Variants in IL7R observed in about 807,000 individuals in gnomAD.
IL7R encodes the protein interleukin-7 receptor subunit alpha.
In IL7R, 38 loss-of-function variants were observed where a neutral mutation model predicts 47.0. The observed-to-expected ratio is 0.81, with a 90% CI of 0.62 to 1.06. IL7R has a LOEUF of 1.06. Among genes scored for constraint, IL7R ranks in the 50% least tolerant of loss-of-function variants. The pLI is 0.00. For missense variants in IL7R, 633 were observed against 534.8 expected, an observed-to-expected ratio of 1.18 and a Z score of -1.81; for synonymous variants, 221 against 199.8, an observed-to-expected ratio of 1.11 and a Z score of -0.89.
In IL7R at chr5:35,877,855, C is replaced by T. The variant is rs1196758100; in HGVS notation, c.*1369C>T. 1.7e-5 allele frequency: 4 copies of T among 233,196 alleles called. No homozygotes were observed. Among genetic ancestry groups the T allele is most frequent in the African/African-American group, 8.8e-5 (4 of 45,342 alleles). 14.4% of individuals were successfully genotyped at this position (233,196 alleles called of 1,614,324 possible). Reference sequence around the variant, plus strand: ...TGAGTAATGTCAGCTCAGCAAAGTGCAGCAAACCCATCTCCCACAGGCCTC... The same window carrying T: ...TGAGTAATGTCAGCTCAGCAAAGTGTAGCAAACCCATCTCCCACAGGCCTC... On this transcript the variant is annotated 3_prime_UTR_variant, in exon 8 of 8. Coordinates refer to ENST00000303115, the MANE Select transcript of IL7R (RefSeq NM_002185.5).
rs201146815 is a variant in IL7R, at chr5:35,876,221, G to A, written c.1115G>A (p.Gly372Glu). ...GRDSSLTCLAGNVSACDAPIL... is the reference protein window; with the variant it reads ...GRDSSLTCLAENVSACDAPIL... ...GATTCATCCCTCACATGCCTGGCTG[G>A]GAATGTCAGTGCATGTGACGCCCCT... The change falls in exon 8 of 8, where the codon GGG becomes GAG. Residue 372 changes from glycine to glutamate, a missense_variant. Transcript: ENST00000303115. The A allele has an allele frequency of 1.7e-5, 28 of 1,614,146 alleles. No individual in the cohort carries two copies. The highest frequency in any genetic ancestry group is 2.2e-5 in the East Asian group (1 of 44,878).
chr5:35,876,775 G>A lies in IL7R; in HGVS notation c.*289G>A. ...AAAGAGGAAAGAATGAAAGAGTAAA[G>A]GAAATGATTGAGGAGTGAGGAAGGC... On this transcript the variant is annotated 3_prime_UTR_variant, in exon 8 of 8. Coordinates refer to ENST00000303115, the MANE Select transcript of IL7R (RefSeq NM_002185.5). 13 of 440,436 alleles carry A rather than the reference G, an allele frequency of 3.0e-5. No individual in the cohort carries two copies. Among genetic ancestry groups the A allele is most frequent in the South Asian group, 6.2e-5 (2 of 32,226 alleles). 27.3% of individuals were successfully genotyped at this position (440,436 alleles called of 1,614,324 possible). A position where few individuals can be genotyped will look rare whatever the true frequency, so the allele number is the denominator to read the frequency against.
chr5:35,873,864 T>C (rs1760138847), intron 5 of IL7R, among the ~76,000 whole-genome samples: 1 of 152,180 alleles, frequency 6.6e-6, no homozygotes, highest in South Asian at 2.1e-4. Context: ...TAGCTGAGAA[T>C]TAGTACAAGC....
chr5:35,861,473 GA>G (rs370780028), intron 2 of IL7R, among the ~76,000 whole-genome samples: 8 of 152,264 alleles, frequency 5.3e-5, no homozygotes, highest in African/African-American at 1.9e-4. Flanking sequence ...TGCCTCACAG[GA>G]AGGCTGTGAT....
intron 7 of IL7R, 50 bp from the exon 8 acceptor site, chr5:35,875,933 G>T (rs199993672): frequency 1.3e-6 from 2 of 1,586,272 alleles, no homozygotes; most frequent in Non-Finnish European, 1.7e-6. Context: ...ACATTTGATG[G>T]TGTGTCTCTC....
chr5:35,857,188 A>C, intron 1 of IL7R, 129 bp downstream of exon 1: 1 of 680,792 alleles, frequency 1.5e-6, no homozygotes, highest in South Asian at 1.5e-5. Flanking sequence ...CCACATATTC[A>C]GTCATTTTTT....
rs758988107 is a variant in IL7R, at chr5:35,876,521, G to T, written c.*35G>T. 6.3e-7 allele frequency: 1 copy of T among 1,598,162 alleles called. No homozygotes were observed. The highest frequency in any genetic ancestry group is 1.1e-5 in the South Asian group (1 of 90,958). ...AACCCAGACTGAACTTACCGTGAGC[G>T]ACAAAGATGATTTAAAAGGGAAGTC... is the stretch of plus-strand genomic sequence containing the variant. On this transcript the variant is annotated 3_prime_UTR_variant, in exon 8 of 8. Coordinates refer to ENST00000303115, the MANE Select transcript of IL7R (RefSeq NM_002185.5).
At position 35,873,480 on chromosome 5, in the gene IL7R, C is replaced by T. The variant is rs780435478; in HGVS notation, c.538C>T (p.His180Tyr). 13 of 1,613,280 alleles carry T rather than the reference C, an allele frequency of 8.1e-6. No individual in the cohort carries two copies. The highest frequency in any genetic ancestry group is 1.7e-5 in the Admixed American group (1 of 59,994). The change falls in exon 5 of 8, where the codon CAT becomes TAT. Residue 180 changes from histidine (H) to tyrosine (Y), a missense_variant and splice_region_variant. His to Tyr is a moderately conservative substitution (Grantham distance 83). Transcript: ENST00000303115. ...AATGTAACTGCACTCTACTCTCTAG[C>T]ATGTGAATTTATCCAGCACAAAGCT... ...RQEKDENKWT[H>Y]VNLSSTKLTL... is the part of the protein sequence containing the mutation.
chr5:35,857,514 C>G lies in IL7R; in HGVS notation c.82+455C>G, dbSNP rs1759686296. Among the ~76,000 whole-genome samples, 4 of 152,294 alleles carry G rather than the reference C, an allele frequency of 2.6e-5. No homozygotes were observed. The South Asian group carries it at 8.3e-4, about 32-fold the overall frequency. ...ATAGCTTTGTCTTCAGTGACCAGTG[C>G]TATATCCTCAGCACCTAAATCAGTG... On this transcript the variant is annotated intron_variant, in intron 1 of 7. Transcript: ENST00000303115.
chr5:35,874,453 G>A lies in IL7R; in HGVS notation c.711G>A (p.Glu237=), dbSNP rs778351803. 8.7e-6 allele frequency: 14 copies of A among 1,606,320 alleles called. No homozygotes were observed. In the African/African-American group the frequency reaches 1.7e-4, roughly 20 times the overall value. Residue 237 remains glutamate, a synonymous_variant, in exon 6 of 8, where the codon GAG becomes GAA. Coordinates refer to ENST00000303115, the MANE Select transcript of IL7R (RefSeq NM_002185.5). Reference sequence around the variant, plus strand: ...CAATCTATTCTTGCTTTCCAGGGGAGATGGATCCTATCTTACTAACCATCA... The same window carrying A: ...CAATCTATTCTTGCTTTCCAGGGGAAATGGATCCTATCTTACTAACCATCA... The part of the protein sequence containing the change: ...RTPEINNSSG[E]MDPILLTISI...
rs200896401 is a variant in IL7R at position 35,875,630 on chromosome 5, C to A, written c.876+43C>A. 29 of 1,348,242 alleles carry A rather than the reference C, an allele frequency of 2.2e-5. No individual in the cohort carries two copies. In the Middle Eastern group the frequency reaches 7.2e-4, roughly 33 times the overall value. 83.5% of individuals were successfully genotyped at this position (1,348,242 alleles called of 1,614,324 possible). ...TTAAAAAGTGTTGTGTTGGCAACATCCCAGTGGCCAAGAATGATATTCCAG... is the reference window on the plus strand; with the variant it reads ...TTAAAAAGTGTTGTGTTGGCAACATACCAGTGGCCAAGAATGATATTCCAG... On this transcript the variant is annotated intron_variant, in intron 7 of 7. Transcript: ENST00000303115.
chr5:35,857,235 A>T (rs1207941632), intron 1 of IL7R, among the ~76,000 whole-genome samples, 176 bp downstream of exon 1: 1 of 152,110 alleles, frequency 6.6e-6, no homozygotes, highest in Non-Finnish European at 1.5e-5. Context: ...GCAGGGGATC[A>T]ATACTATGGG....
intron 5 of IL7R, 32 bp from the exon 6 acceptor site, chr5:35,874,417 A>C (rs1170430999): frequency 6.9e-7 from 1 of 1,452,814 alleles, no homozygotes; most frequent in Non-Finnish European, 9.7e-7. Flanking sequence ...ATGGCTACTG[A>C]ATGCTCACCA....
At chr5:35,866,027 C>T (rs6451228) in intron 2 of IL7R, among the ~76,000 whole-genome samples, 108,543 of 152,034 alleles carry the variant, frequency 0.71, 39,777 homozygotes, top group African/African-American at 0.87. Flanking sequence ...AATTTCAGCA[C>T]TAAATATGAT....
At chr5:35,858,680 A>G (rs1283518713) in intron 1 of IL7R, among the ~76,000 whole-genome samples, 1 of 152,234 alleles carries the variant, frequency 6.6e-6, no homozygotes, top group Non-Finnish European at 1.5e-5. Flanking sequence ...TGTTTCATGT[A>G]TATTTTCAGA....
At chr5:35,864,349 C>A (rs928095862) in intron 2 of IL7R, among the ~76,000 whole-genome samples, 1 of 151,982 alleles carries the variant, frequency 6.6e-6, no homozygotes. Flanking sequence ...TTGGACAAAT[C>A]AGTTTGTGTA....
intron 7 of IL7R, 70 bp from the exon 8 acceptor site, chr5:35,875,913 C>A: frequency 6.5e-7 from 1 of 1,531,426 alleles, no homozygotes. Flanking sequence ...TAGACCTACT[C>A]CTGAACTGAA....
chr5:35,869,923 A>T (rs979269082), intron 3 of IL7R, among the ~76,000 whole-genome samples: 2 of 152,192 alleles, frequency 1.3e-5, no homozygotes, highest in South Asian at 4.1e-4. Context: ...AGCAGCAGAA[A>T]CAGGCAGTCA....
In IL7R at chr5:35,861,122, G is replaced by A. The variant is rs1759799510; in HGVS notation, c.221+132G>A. On this transcript the variant is annotated intron_variant, in intron 2 of 7. Transcript: ENST00000303115. ...GTTAACATCTAAGGAATTCCCAAAG[G>A]CCTCCTGAAACTCCTTGTCCTTCAC... 4.1e-6 allele frequency: 4 copies of A among 979,608 alleles called. No homozygotes were observed. The Admixed American group carries it at 5.3e-5, about 13-fold the overall frequency. The allele number at this position is 979,608 out of a possible 1,614,324, so 60.7% of individuals were successfully genotyped here. A position where few individuals can be genotyped will look rare whatever the true frequency, so the allele number is the denominator to read the frequency against.
Sources: gnomAD v4.1 joint callset for allele counts (sites outside exome capture counted in the v4.1 genomes callset) on GRCh38, gnomAD v4.1.1 for gene constraint, MANE v1.5 for transcripts, NCBI Gene and HGNC (gene_info 2026-07-23, HGNC 2026-07-21) for gene names.